DNAJA3: variants seen among roughly 807,000 people sequenced by gnomAD.
DNAJA3 encodes the protein dnaJ homolog subfamily A member 3, mitochondrial.
Under a neutral mutation model 54.9 loss-of-function variants are expected in DNAJA3, and 29 were observed. That is an observed-to-expected ratio of 0.53 (90% CI 0.39 to 0.72). The LOEUF (loss-of-function observed/expected upper bound fraction) is 0.72. Ranked by LOEUF, DNAJA3 falls within the 30% of genes least tolerant of loss-of-function variation. The pLI is 0.00. For missense variants in DNAJA3, 708 were observed against 639.4 expected (o/e 1.11, Z -1.16); for synonymous variants, 302 against 251.4 (o/e 1.20, Z -1.90).
rs1253837892 is a variant in DNAJA3 at position 4,441,386 on chromosome 16, T to C, written c.441T>C (p.Asp147=). The C allele has an allele frequency of 1.2e-6, 2 of 1,612,272 alleles. No homozygotes were observed. The highest frequency in any genetic ancestry group is 1.7e-6 in the Non-Finnish European group (2 of 1,179,228). Residue 147 remains aspartate, a synonymous_variant, in exon 4 of 12, where the codon GAT becomes GAC. Transcript: ENST00000262375. ...QLAEAYEVLS[D]EVKRKQYDAY... is the part of the protein sequence containing the mutation. Reference sequence around the variant, plus strand: ...GCCTTTCACTGTAGGTTTTGAGTGATGAGGTGAAGAGGAAGCAGTACGATG... The same window carrying C: ...GCCTTTCACTGTAGGTTTTGAGTGACGAGGTGAAGAGGAAGCAGTACGATG...
At chr16:4,451,752 G>GGAAAA (rs1555488543) in intron 10 of DNAJA3, among the ~76,000 whole-genome samples, 10 of 41,858 alleles carry the variant, frequency 2.4e-4, no homozygotes, top group African/African-American at 1.1e-3. Flanking sequence ...GAGACTCTCT[G>GGAAAA]AAAAAAAAAA....
intron 3 of DNAJA3, 112 bp downstream of exon 3, chr16:4,437,597 A>C: frequency 1.3e-6 from 1 of 798,390 alleles, no homozygotes; most frequent in Non-Finnish European, 2.1e-6. Context: ...TGTGAAGGCC[A>C]TGTCCCTGCG....
chr16:4,448,321 G>A (rs11645084), intron 8 of DNAJA3, among the ~76,000 whole-genome samples: 4,586 of 149,282 alleles, frequency 0.031, 101 homozygotes, highest in Non-Finnish European at 0.047. Context: ...CACTGCGCCC[G>A]GCCTTTTTTT....
rs1269355126 is a variant in DNAJA3 at position 4,446,894 on chromosome 16, A to G, written c.1005A>G (p.Lys335=). 1.2e-6 allele frequency: 2 copies of G among 1,614,066 alleles called. No individual in the cohort carries two copies. The highest frequency in any genetic ancestry group is 4.5e-5 in the East Asian group (2 of 44,876). The change falls in exon 8 of 12, where the codon AAA becomes AAG. Residue 335 remains lysine (K), a synonymous_variant. Coordinates refer to ENST00000262375, the MANE Select transcript of DNAJA3 (RefSeq NM_005147.6). ...GTCATGTTTGGCCTTAGGTGCAGAA[A>G]AGCCCTGTGTTCCGGAGGGACGGCG... ...REIFITFRVQ[K]SPVFRRDGAD...
At chr16:4,428,082 G>A (rs2056646795) in intron 1 of DNAJA3, among the ~76,000 whole-genome samples, 1 of 152,058 alleles carries the variant, frequency 6.6e-6, no homozygotes, top group Admixed American at 6.5e-5. Context: ...CTTCTGAGTA[G>A]CTGGGACTAC....
chr16:4,447,044 C>G, intron 8 of DNAJA3, 30 bp downstream of exon 8: 3 of 1,601,354 alleles, frequency 1.9e-6, no homozygotes, highest in Non-Finnish European at 2.6e-6. Flanking sequence ...CCTTTGTCAC[C>G]CCTGTACTTT....
At chr16:4,434,640 A>C (rs1567325026) in intron 2 of DNAJA3, 123 bp downstream of exon 2, 2 of 1,189,622 alleles carry the variant, frequency 1.7e-6, no homozygotes, top group Non-Finnish European at 2.3e-6. Context: ...ATAGTATAGA[A>C]GGGTGTGATA....
At chr16:4,429,470 C>T (rs1244494737) in intron 1 of DNAJA3, among the ~76,000 whole-genome samples, 3 of 152,044 alleles carry the variant, frequency 2.0e-5, no homozygotes, top group Non-Finnish European at 2.9e-5. Flanking sequence ...ATCTGTCCAC[C>T]TCAGCCTCCT....
chr16:4,443,121 A>C lies in DNAJA3; in HGVS notation c.888A>C (p.Gly296=). The C allele has an allele frequency of 6.2e-7, 1 of 1,613,998 alleles. No homozygotes were observed. The highest frequency in any genetic ancestry group is 8.5e-7 in the Non-Finnish European group (1 of 1,180,002). The change falls in exon 6 of 12, where the codon GGA becomes GGC. Residue 296 remains glycine (G), a synonymous_variant. Coordinates refer to ENST00000262375, the MANE Select transcript of DNAJA3 (RefSeq NM_005147.6). ...CCTGTGTGGTCTGCAGGGGAGCAGGACAAGCCAAGCAGAAAAAGCGAGTGA... is the reference window on the plus strand; with the variant it reads ...CCTGTGTGGTCTGCAGGGGAGCAGGCCAAGCCAAGCAGAAAAAGCGAGTGA... ...ISPCVVCRGA[G]QAKQKKRVMI... is the part of the protein sequence containing the mutation.
At chr16:4,432,838 A>C (rs902368924) in intron 1 of DNAJA3, among the ~76,000 whole-genome samples, 3 of 151,892 alleles carry the variant, frequency 2.0e-5, no homozygotes, top group Non-Finnish European at 2.9e-5. Flanking sequence ...CTCCGTCTCA[A>C]AAAACAAAGA....
Position 4,443,017 on chromosome 16 carries a change from G to A in DNAJA3, c.784G>A (p.Glu262Lys). Residue 262 changes from glutamate to lysine, a missense_variant and splice_region_variant, in exon 6 of 12, where the codon GAA becomes AAA. Glu to Lys is a moderately conservative substitution (Grantham distance 56). Transcript: ENST00000262375. ...TTACCATTTTTCTTGTTTTTATCAGGAAACCATCAACACAGGCCCTTTTGT... is the reference window on the plus strand; with the variant it reads ...TTACCATTTTTCTTGTTTTTATCAGAAAACCATCAACACAGGCCCTTTTGT... ...HCHYCGGSGM[E>K]TINTGPFVMR... 6.2e-7 allele frequency: 1 copy of A among 1,612,620 alleles called. No individual in the cohort carries two copies. Among genetic ancestry groups the A allele is most frequent in the Non-Finnish European group, 8.5e-7 (1 of 1,179,262 alleles).
At chr16:4,434,316 C>T in intron 1 of DNAJA3, 68 bp from the exon 2 acceptor site, 1 of 1,546,156 alleles carries the variant, frequency 6.5e-7, no homozygotes, top group Non-Finnish European at 8.8e-7. Flanking sequence ...CCTGGTGGGT[C>T]ATGTACTCAC....
chr16:4,434,548 A>C, intron 2 of DNAJA3, 31 bp downstream of exon 2: 1 of 1,603,158 alleles, frequency 6.2e-7, no homozygotes, highest in Non-Finnish European at 8.5e-7. Flanking sequence ...TTGGTGACCA[A>C]ATTGTAGTAG....
chr16:4,439,208 A>C (rs1268058253), intron 3 of DNAJA3, among the ~76,000 whole-genome samples: 2 of 152,068 alleles, frequency 1.3e-5, no homozygotes, highest in Non-Finnish European at 2.9e-5. Flanking sequence ...TAAAAATACA[A>C]AAATTAGCCA....
chr16:4,444,345 CTTT>C (rs1290640054), intron 6 of DNAJA3, among the ~76,000 whole-genome samples: 3 of 137,418 alleles, frequency 2.2e-5, no homozygotes, highest in Admixed American at 7.3e-5. Flanking sequence ...TTTTTCTTTT[CTTT>C]TTTTTTTTTT....
At chr16:4,450,169 A>G in intron 9 of DNAJA3, 1 of 475,138 alleles carries the variant, frequency 2.1e-6, no homozygotes, top group Non-Finnish European at 3.7e-6. Flanking sequence ...TAGCATAGCC[A>G]CAGTGACACT....
At chr16:4,449,383 T>C (rs1180659486) in intron 9 of DNAJA3, among the ~76,000 whole-genome samples, 2 of 151,802 alleles carry the variant, frequency 1.3e-5, no homozygotes, top group African/African-American at 4.8e-5. Flanking sequence ...GTTGATTTTC[T>C]TCTTTTTTTT....
intron 6 of DNAJA3, among the ~76,000 whole-genome samples, chr16:4,443,813 AGGAGCTG>A (rs1232709050): frequency 6.6e-6 from 1 of 151,956 alleles, no homozygotes; most frequent in Non-Finnish European, 1.5e-5. Context: ...CAGCCTCCCA[AGGAGCTG>A]GGACTACAGG....
At chr16:4,438,367 C>T (rs1478347765) in intron 3 of DNAJA3, among the ~76,000 whole-genome samples, 2 of 152,102 alleles carry the variant, frequency 1.3e-5, no homozygotes, top group African/African-American at 4.8e-5. Context: ...TAAAGTTCCC[C>T]AGGTAATTTA....
Sources: allele counts gnomAD v4.1 joint callset (sites outside exome capture counted in the v4.1 genomes callset), GRCh38; gene constraint gnomAD v4.1.1; transcripts MANE v1.5; gene names NCBI Gene and HGNC (gene_info 2026-07-23, HGNC 2026-07-21).